The following ARHGAP32 variants were observed in gnomAD, a reference collection of about 807,000 sequenced individuals.
ARHGAP32 encodes the protein Rho GTPase activating protein 32.
ARHGAP32 carries 51 observed loss-of-function variants against 186.5 expected under a neutral mutation model. That is an observed-to-expected ratio of 0.27 (90% CI 0.22 to 0.35). The LOEUF is 0.35. Ranked by LOEUF, ARHGAP32 falls within the 10% of genes least tolerant of loss-of-function variation. The pLI, the probability that ARHGAP32 is intolerant of heterozygous loss-of-function variation, is 1.00. For missense variants in ARHGAP32, 2,186 were observed against 2,623.5 expected, an observed-to-expected ratio of 0.83 and a Z score of 3.64; for synonymous variants, 950 against 964.3, an observed-to-expected ratio of 0.99 and a Z score of 0.27.
At chr11:129,179,543 C>A (rs1944002218) in intron 1 of ARHGAP32, among the ~76,000 whole-genome samples, 1 of 151,242 alleles carries the variant, frequency 6.6e-6, no homozygotes. Context: ...TGGAACCAAC[C>A]CAAATGTCCA....
intron 2 of ARHGAP32, among the ~76,000 whole-genome samples, chr11:129,151,109 CA>C (rs1943277755): frequency 6.6e-6 from 1 of 151,582 alleles, no homozygotes; most frequent in Non-Finnish European, 1.5e-5. Flanking sequence ...GACTTTAAAG[CA>C]AAAACAGTAG....
intron 3 of ARHGAP32, 97 bp from the exon 4 acceptor site, chr11:129,124,026 T>C (rs1192681291): frequency 2.4e-6 from 2 of 834,190 alleles, no homozygotes; most frequent in Non-Finnish European, 3.3e-6. Flanking sequence ...GGTTTTCCTC[T>C]TTAAAACTGA....
At chr11:129,203,132 A>G (rs1356707350) in intron 1 of ARHGAP32, 1 of 152,244 alleles carries the variant, frequency 6.6e-6, no homozygotes, top group Non-Finnish European at 1.5e-5. Flanking sequence ...TCAGAATTCC[A>G]CTGGCAGACT....
chr11:129,018,766 T>C (rs1295098077), intron 11 of ARHGAP32, among the ~76,000 whole-genome samples: 1 of 152,136 alleles, frequency 6.6e-6, no homozygotes, highest in Non-Finnish European at 1.5e-5. Flanking sequence ...AATAAAAATT[T>C]GTAGGTAGTT....
Position 128,990,560 on chromosome 11 carries a change from G to A in ARHGAP32, c.1196-2435C>T, listed in dbSNP as rs571083342. On this transcript the variant is annotated intron_variant, in intron 12 of 22. Transcript: ENST00000682385. ...CCTCTAAAAATATTCAAGACTTTCA[G>A]TAACAAGAAAAGGTTATGGTTATGT... Among the ~76,000 whole-genome samples, 14 of 152,284 alleles carry A rather than the reference G, an allele frequency of 9.2e-5. No individual in the cohort carries two copies. The East Asian group carries it at 2.7e-3, about 29-fold the overall frequency.
At chr11:129,277,187 AAG>A (rs1945541880) in intron 1 of ARHGAP32, among the ~76,000 whole-genome samples, 1 of 152,244 alleles carries the variant, frequency 6.6e-6, no homozygotes, top group Admixed American at 6.5e-5. Flanking sequence ...TGAATAAGTC[AAG>A]AGAGAACAAG....
At chr11:129,008,688 G>A (rs1186461990) in intron 11 of ARHGAP32, among the ~76,000 whole-genome samples, 1 of 152,124 alleles carries the variant, frequency 6.6e-6, no homozygotes, top group African/African-American at 2.4e-5. Flanking sequence ...TATACCACCT[G>A]TTAAAACTTA....
intron 1 of ARHGAP32, among the ~76,000 whole-genome samples, chr11:129,254,934 G>A (rs1453889912): frequency 6.6e-6 from 1 of 152,102 alleles, no homozygotes; most frequent in Non-Finnish European, 1.5e-5. Context: ...TAAGAGGCTA[G>A]AAGTCTAGCT....
chr11:129,155,352 T>G (rs1248207371), intron 2 of ARHGAP32, among the ~76,000 whole-genome samples: 2 of 152,252 alleles, frequency 1.3e-5, no homozygotes, highest in African/African-American at 4.8e-5. Flanking sequence ...AGTGTCATAC[T>G]TTTAAGGCAC....
intron 11 of ARHGAP32, among the ~76,000 whole-genome samples, chr11:129,031,900 C>A (rs1939130555): frequency 6.6e-6 from 1 of 152,162 alleles, no homozygotes; most frequent in African/African-American, 2.4e-5. Flanking sequence ...TTGAGAGAAG[C>A]AGACTGACTT....
intron 1 of ARHGAP32, among the ~76,000 whole-genome samples, chr11:129,275,687 G>A (rs1194062820): frequency 1.3e-5 from 2 of 152,202 alleles, no homozygotes; most frequent in African/African-American, 4.8e-5. Flanking sequence ...CACTGCCAAA[G>A]TAGCCACAGA....
intron 11 of ARHGAP32, among the ~76,000 whole-genome samples, chr11:129,020,523 T>C (rs1403170279): frequency 6.6e-6 from 1 of 152,108 alleles, no homozygotes; most frequent in Non-Finnish European, 1.5e-5. Flanking sequence ...TCACTTATAA[T>C]ATTCTTTGTA....
chr11:129,227,844 C>A (rs982658380), intron 1 of ARHGAP32, among the ~76,000 whole-genome samples: 1 of 152,032 alleles, frequency 6.6e-6, no homozygotes, highest in East Asian at 1.9e-4. Flanking sequence ...AAATGGTCAA[C>A]AAGGAATAGA....
intron 11 of ARHGAP32, among the ~76,000 whole-genome samples, chr11:129,034,317 C>G (rs576505869): frequency 6.6e-6 from 1 of 152,304 alleles, no homozygotes; most frequent in South Asian, 2.1e-4. Context: ...TATTAACTCT[C>G]TAATGCTTCA....
At chr11:129,200,382 G>A (rs377595835) in intron 1 of ARHGAP32, among the ~76,000 whole-genome samples, 1 of 152,192 alleles carries the variant, frequency 6.6e-6, no homozygotes, top group East Asian at 1.9e-4. Flanking sequence ...GGGACCCAGT[G>A]GGTGATAACT....
At chr11:129,000,311 C>T (rs1946320480) in intron 11 of ARHGAP32, among the ~76,000 whole-genome samples, 1 of 152,094 alleles carries the variant, frequency 6.6e-6, no homozygotes, top group African/African-American at 2.4e-5. Context: ...TTAAAAATGA[C>T]TTTTGCTGAG....
At chr11:129,050,549 T>C (rs565698014) in intron 10 of ARHGAP32, among the ~76,000 whole-genome samples, 11 of 152,332 alleles carry the variant, frequency 7.2e-5, no homozygotes, top group Admixed American at 5.9e-4. Context: ...CTTTATCAGA[T>C]ATAATCACTG....
chr11:129,105,075 A>G (rs1217372152), intron 5 of ARHGAP32, among the ~76,000 whole-genome samples: 1 of 152,190 alleles, frequency 6.6e-6, no homozygotes, highest in Non-Finnish European at 1.5e-5. Flanking sequence ...TTCACCTAAT[A>G]TGGAACTCAT....
chr11:129,174,023 G>C (rs898805868), intron 1 of ARHGAP32, among the ~76,000 whole-genome samples: 1 of 152,226 alleles, frequency 6.6e-6, no homozygotes, highest in African/African-American at 2.4e-5. Flanking sequence ...ATTTCCATCT[G>C]AGGTACCAGG....
Sources: allele counts gnomAD v4.1 joint callset (sites outside exome capture counted in the v4.1 genomes callset), GRCh38; gene constraint gnomAD v4.1.1; transcripts MANE v1.5; gene names NCBI Gene and HGNC (gene_info 2026-07-23, HGNC 2026-07-21).